ORC5: variants seen among roughly 807,000 people sequenced by gnomAD.
ORC5 encodes the protein origin recognition complex subunit 5.
Under a neutral mutation model 58.8 loss-of-function variants are expected in ORC5, and 39 were observed. The ratio of observed to expected loss-of-function variants is 0.66; its 90% CI spans 0.51 to 0.87. ORC5 has a LOEUF of 0.87. Among genes scored for constraint, ORC5 ranks in the 40% least tolerant of loss-of-function variants. ORC5 has a pLI of 0.00. For missense variants in ORC5, 493 were observed against 506.3 expected (o/e 0.97, Z 0.25); for synonymous variants, 218 against 177.6 (o/e 1.23, Z -1.81).
intron 12 of ORC5, among the ~76,000 whole-genome samples, chr7:104,155,862 C>T (rs1009537361): frequency 3.3e-5 from 5 of 150,992 alleles, no homozygotes; most frequent in Admixed American, 6.6e-5. Context: ...ACAGATAATT[C>T]GGAAATTCCC....
intron 5 of ORC5, among the ~76,000 whole-genome samples, chr7:104,189,567 CA>C (rs1444581106): frequency 6.6e-6 from 1 of 151,940 alleles, no homozygotes; most frequent in Non-Finnish European, 1.5e-5. Flanking sequence ...GACCAATGAC[CA>C]ATGATTTAAT....
chr7:104,165,961 G>A (rs1328844897), intron 10 of ORC5, among the ~76,000 whole-genome samples: 1 of 152,100 alleles, frequency 6.6e-6, no homozygotes, highest in African/African-American at 2.4e-5. Flanking sequence ...AGCTACTTGG[G>A]AGGCCGAGGC....
At chr7:104,153,084 C>T (rs1178382547) in intron 12 of ORC5, among the ~76,000 whole-genome samples, 1 of 152,148 alleles carries the variant, frequency 6.6e-6, no homozygotes, top group African/African-American at 2.4e-5. Flanking sequence ...AATCTTTTAT[C>T]CCTGCGCAGT....
At chr7:104,162,458 A>C (rs1799040664) in intron 11 of ORC5, among the ~76,000 whole-genome samples, 2 of 152,250 alleles carry the variant, frequency 1.3e-5, no homozygotes. Context: ...CAGTGCACCC[A>C]GCTACAAATA....
At chr7:104,145,514 T>C (rs1235030874) in intron 12 of ORC5, among the ~76,000 whole-genome samples, 2 of 152,140 alleles carry the variant, frequency 1.3e-5, no homozygotes, top group Non-Finnish European at 2.9e-5. Flanking sequence ...TCTCATTCAA[T>C]TGAGCTTTGA....
At chr7:104,207,164 C>T (rs762120919) in intron 1 of ORC5, among the ~76,000 whole-genome samples, 4 of 152,160 alleles carry the variant, frequency 2.6e-5, no homozygotes, top group Admixed American at 1.3e-4. Context: ...TCAAAAAGCA[C>T]ATCAAAGACC....
chr7:104,164,112 T>A (rs557902292), intron 11 of ORC5, among the ~76,000 whole-genome samples: 1 of 152,330 alleles, frequency 6.6e-6, no homozygotes, highest in South Asian at 2.1e-4. Context: ...TGGTTTGTAA[T>A]GAGTCTTTAA....
intron 4 of ORC5, 67 bp downstream of exon 4, chr7:104,197,658 G>A (rs117672495): frequency 4.8e-6 from 5 of 1,052,604 alleles, no homozygotes; most frequent in Non-Finnish European, 7.0e-6. Flanking sequence ...ATAGCAAAAT[G>A]AAAAACTTTT....
chr7:104,153,777 T>C (rs888324798), intron 12 of ORC5, among the ~76,000 whole-genome samples: 1 of 152,168 alleles, frequency 6.6e-6, no homozygotes, highest in Non-Finnish European at 1.5e-5. Context: ...TCAATTTATA[T>C]AAATATCTTA....
Position 104,136,726 on chromosome 7 carries a change from G to A in ORC5, c.1262+55C>T, listed in dbSNP as rs1001397779. ...TGTCATGACTAATGACATCACATTT[G>A]GAAAACACTAATTTTTATATTTAGT... On this transcript the variant is annotated intron_variant, in intron 13 of 13. Coordinates refer to ENST00000297431, the MANE Select transcript of ORC5 (RefSeq NM_002553.4). The surrounding 1 kb of genome is among the most constrained non-coding windows in gnomAD (Gnocchi z 4.2). The A allele has an allele frequency of 3.3e-5, 38 of 1,167,384 alleles. No homozygotes were observed. The Admixed American group carries it at 6.2e-4, about 19-fold the overall frequency. The allele number at this position is 1,167,384 out of a possible 1,614,324, so 72.3% of individuals were successfully genotyped here. A position where few individuals can be genotyped will look rare whatever the true frequency, so the allele number is the denominator to read the frequency against.
intron 11 of ORC5, among the ~76,000 whole-genome samples, 182 bp from the exon 12 acceptor site, chr7:104,161,364 TTTTAAG>T (rs1178880759): frequency 2.0e-5 from 3 of 152,170 alleles, no homozygotes; most frequent in Non-Finnish European, 1.5e-5. Flanking sequence ...TTTATCCTTT[TTTTAAG>T]TTTGTTTTGT....
In ORC5 at chr7:104,129,486, C is replaced by A. The variant is rs1191860857; in HGVS notation, c.1263-2593G>T. On this transcript the variant is annotated intron_variant, in intron 13 of 13. Transcript: ENST00000297431. The surrounding 1 kb of genome is among the most constrained non-coding windows in gnomAD (Gnocchi z 4.9). ...CACTATCTCTACCATTCCTCCACCC[C>A]CAATATAAATAGGTAACTTGCCAAT... Among the ~76,000 whole-genome samples the A allele has an allele frequency of 6.6e-6, 1 of 152,062 alleles. No homozygotes were observed. Among genetic ancestry groups the A allele is most frequent in the Non-Finnish European group, 1.5e-5 (1 of 68,008 alleles).
intron 5 of ORC5, among the ~76,000 whole-genome samples, chr7:104,191,401 T>C (rs1380612232): frequency 2.6e-5 from 4 of 151,918 alleles, no homozygotes; most frequent in African/African-American, 4.8e-5. Context: ...AACAACAAAC[T>C]TCTATAAATG....
At chr7:104,158,553 G>T (rs1457405549) in intron 12 of ORC5, among the ~76,000 whole-genome samples, 1 of 151,652 alleles carries the variant, frequency 6.6e-6, no homozygotes, top group Non-Finnish European at 1.5e-5. Flanking sequence ...TACAAAATGG[G>T]AGAAAATTTT....
intron 8 of ORC5, among the ~76,000 whole-genome samples, chr7:104,175,639 A>G (rs1799306881): frequency 6.6e-6 from 1 of 152,242 alleles, no homozygotes; most frequent in African/African-American, 2.4e-5. Flanking sequence ...CTCTCAGATC[A>G]AAGAGGTCAA....
intron 11 of ORC5, among the ~76,000 whole-genome samples, 195 bp downstream of exon 11, chr7:104,165,040 C>T (rs1799083711): frequency 1.3e-5 from 2 of 152,186 alleles, no homozygotes; most frequent in Admixed American, 1.3e-4. Flanking sequence ...CAGTTTTAAA[C>T]TCCAGCAGCA....
intron 8 of ORC5, among the ~76,000 whole-genome samples, chr7:104,179,658 T>A (rs775855508): frequency 6.6e-6 from 1 of 152,044 alleles, no homozygotes; most frequent in Non-Finnish European, 1.5e-5. Flanking sequence ...TGTTGTTTTT[T>A]TTTTCTGTTT....
In ORC5 at chr7:104,207,783, C is replaced by A. The variant is rs1324957852; in HGVS notation, c.72+50G>T. Reference sequence around the variant, plus strand: ...ACAAATATTGGAACAGGTCGCAAGACTACCGAAACGTCTGCCTCCAGGATC... The same window carrying A: ...ACAAATATTGGAACAGGTCGCAAGAATACCGAAACGTCTGCCTCCAGGATC... On this transcript the variant is annotated intron_variant, in intron 1 of 13. Transcript: ENST00000297431. The A allele has an allele frequency of 2.6e-6, 4 of 1,552,204 alleles. No homozygotes were observed. The Admixed American group carries it at 5.0e-5, about 19-fold the overall frequency.
intron 1 of ORC5, among the ~76,000 whole-genome samples, chr7:104,205,354 C>T (rs10275705): frequency 0.094 from 14,307 of 151,966 alleles, 1,074 homozygotes; most frequent in African/African-American, 0.21. Flanking sequence ...TCCCAAAGTG[C>T]TGGGATTACA....
Sources: allele counts gnomAD v4.1 joint callset (sites outside exome capture counted in the v4.1 genomes callset), GRCh38; gene constraint gnomAD v4.1.1; non-coding constraint Gnocchi (gnomAD v3.1); transcripts MANE v1.5; gene names NCBI Gene and HGNC (gene_info 2026-07-23, HGNC 2026-07-21).